RPS6KA3: variants seen among roughly 807,000 people sequenced by gnomAD.
RPS6KA3 encodes the protein ribosomal protein S6 kinase A3, also known as ribosomal protein S6 kinase alpha-3.
A neutral mutation model predicts 67.2 loss-of-function variants in RPS6KA3; 4 were observed. That is an observed-to-expected ratio of 0.06 (90% CI 0.03 to 0.14). RPS6KA3 has a LOEUF of 0.14. RPS6KA3 is among the 10% of genes least tolerant of loss of function. RPS6KA3 has a pLI of 1.00. For missense variants in RPS6KA3, 204 were observed against 559.0 expected, an observed-to-expected ratio of 0.36 and a Z score of 6.40; for synonymous variants, 182 against 183.7, an observed-to-expected ratio of 0.99 and a Z score of 0.07.
chrX:20,225,137 T>C (rs2069078464), intron 2 of RPS6KA3, among the ~76,000 whole-genome samples: 1 of 110,107 alleles, frequency 9.1e-6, no homozygotes, highest in Non-Finnish European at 1.9e-5. Flanking sequence ...ACTGAAGGAA[T>C]GGGTATTGTG....
chrX:20,170,256 G>A (rs760056803), intron 15 of RPS6KA3, among the ~76,000 whole-genome samples: 2 of 112,125 alleles, frequency 1.8e-5, no homozygotes, highest in Admixed American at 1.9e-4. Flanking sequence ...AGGGTAGTCT[G>A]AAACAAATTA....
rs150864396 is a variant in RPS6KA3 at position 20,183,152 on chromosome X, T to C, written c.845+3144A>G. On this transcript the variant is annotated intron_variant, in intron 10 of 21. Coordinates refer to ENST00000379565, the MANE Select transcript of RPS6KA3 (RefSeq NM_004586.3). The stretch of plus-strand genomic sequence containing the variant: ...TTGATTGGGGTTCTAGATAGATTGG[T>C]AATGATTTTTATGTATGGTGGAAGG... Among the ~76,000 whole-genome samples, 28 of 111,429 alleles carry C rather than the reference T, an allele frequency of 2.5e-4. No homozygotes were observed. In the East Asian group the frequency reaches 7.9e-3, roughly 31 times the overall value.
chrX:20,266,501 G>C, intron 1 of RPS6KA3, 63 bp downstream of exon 1: 1 of 962,008 alleles, frequency 1.0e-6, no homozygotes, highest in East Asian at 3.5e-5. Context: ...TCCGGGGAGC[G>C]AAGCGAGCCG....
intron 20 of RPS6KA3, among the ~76,000 whole-genome samples, chrX:20,161,109 T>C (rs1403277097): frequency 8.9e-6 from 1 of 111,972 alleles, no homozygotes; most frequent in Non-Finnish European, 1.9e-5. Context: ...ACTATACATC[T>C]GTTTATCGTG....
intron 2 of RPS6KA3, among the ~76,000 whole-genome samples, chrX:20,215,956 A>G (rs2068838853): frequency 9.2e-6 from 1 of 108,680 alleles, no homozygotes; most frequent in African/African-American, 3.4e-5. Context: ...CTATAAGTAC[A>G]TGGTAAAGCA....
At chrX:20,213,777 A>G (rs1324246704) in intron 2 of RPS6KA3, among the ~76,000 whole-genome samples, 1 of 110,369 alleles carries the variant, frequency 9.1e-6, no homozygotes, top group East Asian at 2.8e-4. Flanking sequence ...AGCCACAACC[A>G]AATCCTTCAT....
At chrX:20,193,689 T>A (rs748050316) in intron 6 of RPS6KA3, 96 bp from the exon 7 acceptor site, 1 of 504,692 alleles carries the variant, frequency 2.0e-6, no homozygotes, top group Admixed American at 3.4e-5. Flanking sequence ...AAAAATTTTA[T>A]AAATATGATA....
intron 1 of RPS6KA3, among the ~76,000 whole-genome samples, chrX:20,239,262 TCTC>T (rs745884107): frequency 2.7e-5 from 3 of 111,047 alleles, no homozygotes; most frequent in African/African-American, 9.8e-5. Flanking sequence ...TGTTACTTCT[TCTC>T]CTCTCTTTTG....
At chrX:20,187,350 T>C (rs2068012205) in intron 9 of RPS6KA3, among the ~76,000 whole-genome samples, 1 of 111,160 alleles carries the variant, frequency 9.0e-6, no homozygotes, top group Non-Finnish European at 1.9e-5. Flanking sequence ...TCCTGAGGTG[T>C]GTGCCATCCT....
intron 11 of RPS6KA3, among the ~76,000 whole-genome samples, 157 bp downstream of exon 11, chrX:20,176,839 G>A (rs934508501): frequency 2.7e-5 from 3 of 111,651 alleles, no homozygotes; most frequent in African/African-American, 9.8e-5. Context: ...TAATTCTCCC[G>A]CCTTGGTCTC....
intron 19 of RPS6KA3, among the ~76,000 whole-genome samples, chrX:20,162,763 C>T (rs2067337230): frequency 9.0e-6 from 1 of 111,185 alleles, no homozygotes; most frequent in Admixed American, 9.6e-5. Context: ...GAGAGGATTG[C>T]TTGAGCCCAG....
chrX:20,159,828 A>G (rs781477865), intron 20 of RPS6KA3, among the ~76,000 whole-genome samples: 27 of 112,108 alleles, frequency 2.4e-4, no homozygotes, highest in Non-Finnish European at 3.8e-4. Context: ...TGCACTTTAA[A>G]AAGGAAAATC....
intron 3 of RPS6KA3, among the ~76,000 whole-genome samples, chrX:20,207,070 T>A (rs765146349): frequency 1.3e-3 from 145 of 111,885 alleles, no homozygotes; most frequent in Middle Eastern, 4.6e-3. Context: ...AGTAAAAGAT[T>A]AGTTCATGCT....
intron 2 of RPS6KA3, among the ~76,000 whole-genome samples, chrX:20,214,933 G>A (rs2068812845): frequency 1.9e-5 from 2 of 106,071 alleles, no homozygotes; most frequent in Admixed American, 2.0e-4. Flanking sequence ...CAACCTCCTG[G>A]GCTCCAGTGA....
At chrX:20,231,712 T>A (rs1374524076) in intron 2 of RPS6KA3, among the ~76,000 whole-genome samples, 1 of 111,765 alleles carries the variant, frequency 8.9e-6, no homozygotes, top group Non-Finnish European at 1.9e-5. Context: ...TGAAGTCATA[T>A]TGGAGTGGGA....
At chrX:20,229,658 G>A (rs2069210400) in intron 2 of RPS6KA3, among the ~76,000 whole-genome samples, 1 of 112,056 alleles carries the variant, frequency 8.9e-6, no homozygotes, top group African/African-American at 3.2e-5. Context: ...TTGACAAAAG[G>A]AAAACTTTTA....
At chrX:20,195,023 G>A in intron 5 of RPS6KA3, 42 bp downstream of exon 5, 1 of 812,244 alleles carries the variant, frequency 1.2e-6, no homozygotes, top group Non-Finnish European at 1.9e-6. Flanking sequence ...GGATTTTGAG[G>A]GATGAGGTCA....
intron 2 of RPS6KA3, among the ~76,000 whole-genome samples, chrX:20,232,625 ATAC>A (rs1360474170): frequency 2.0e-4 from 22 of 111,954 alleles, no homozygotes; most frequent in Non-Finnish European, 2.3e-4. Flanking sequence ...ACTTCCGTAC[ATAC>A]TACAATGAAA....
chrX:20,161,719 T>A lies in RPS6KA3; in HGVS notation c.1884A>T (p.Glu628Asp), dbSNP rs150107747. 1.2e-4 allele frequency: 137 copies of A among 1,157,963 alleles called. No individual in the cohort carries two copies. In the African/African-American group the frequency reaches 2.4e-3, roughly 20 times the overall value. The change falls in exon 20 of 22, where the codon GAA becomes GAT. Residue 628 changes from glutamate (E) to aspartate (D), a missense_variant. By Grantham distance (45) the Glu-to-Asp change is conservative (BLOSUM62 2). This residue lies in a region of RPS6KA3 where 73 missense variants were observed against 241.1 expected (regional missense o/e 0.30). Transcript: ENST00000379565. The part of the protein sequence containing the change: ...FANGPDDTPE[E>D]ILARIGSGKF... ...TTCCGCTACCTATTCGTGCCAATAT[T>A]TCCTCTGGTGTATCATCAGGACCAT...
Sources: allele counts gnomAD v4.1 joint callset (sites outside exome capture counted in the v4.1 genomes callset), GRCh38; gene constraint gnomAD v4.1.1; regional missense constraint gnomAD v4.1.1; transcripts MANE v1.5; gene names NCBI Gene and HGNC (gene_info 2026-07-23, HGNC 2026-07-21).